The following LINGO2 variants were observed in gnomAD, a reference collection of about 807,000 sequenced individuals.
LINGO2 encodes the protein leucine-rich repeat and immunoglobulin-like domain-containing nogo receptor-interacting protein 2.
LINGO2 carries 14 observed loss-of-function variants against 30.6 expected under a neutral mutation model. That is an observed-to-expected ratio of 0.46 (90% CI 0.30 to 0.72). LINGO2 has a LOEUF of 0.72. Among genes scored for constraint, LINGO2 ranks in the 30% least tolerant of loss-of-function variants. The probability of loss-of-function intolerance (pLI) is 0.07; values close to 1 mark genes in which losing one functional copy is unlikely to be tolerated. For synonymous variants in LINGO2, 317 were observed against 288.5 expected (o/e 1.10, Z -1.00); for missense variants, 729 against 751.7 (o/e 0.97, Z 0.35).
chr9:28,575,832 A>G (rs908829155), intron 1 of LINGO2, among the ~76,000 whole-genome samples: 2 of 152,100 alleles, frequency 1.3e-5, no homozygotes, highest in East Asian at 1.9e-4. Flanking sequence ...CCTAACACAC[A>G]TTAATTTGGA....
At chr9:27,947,749 T>C (rs942338943), downstream of LINGO2, among the ~76,000 whole-genome samples, 11 of 152,234 alleles carry the variant, frequency 7.2e-5, no homozygotes, top group African/African-American at 2.2e-4. Flanking sequence ...GTTATGTATG[T>C]ATCACCCTGG....
chr9:28,503,744 A>C (rs1483721455), intron 1 of LINGO2, among the ~76,000 whole-genome samples: 1 of 150,790 alleles, frequency 6.6e-6, no homozygotes, highest in East Asian at 1.9e-4. Flanking sequence ...CCATGGGAAA[A>C]CTCCGCCTGC....
At chr9:28,767,567 C>G in the LINGO2 span, among the ~76,000 whole-genome samples, 8 of 151,984 alleles carry the variant, frequency 5.3e-5, no homozygotes, top group African/African-American at 1.9e-4. Flanking sequence ...AGGCAGATCA[C>G]GAGGTCAGGA....
chr9:29,003,750 T>C, the LINGO2 span, among the ~76,000 whole-genome samples: 2 of 152,000 alleles, frequency 1.3e-5, no homozygotes, highest in African/African-American at 2.4e-5. Context: ...GCCTTTGTCT[T>C]AATCTCTTTT....
At chr9:28,035,034 C>T (rs575272126) in intron 4 of LINGO2, among the ~76,000 whole-genome samples, 3 of 152,346 alleles carry the variant, frequency 2.0e-5, no homozygotes, top group South Asian at 2.1e-4. Context: ...AACTCAACAT[C>T]CATGCAACTC....
At chr9:28,296,556 T>C (rs1823930576) in intron 3 of LINGO2, among the ~76,000 whole-genome samples, 1 of 152,262 alleles carries the variant, frequency 6.6e-6, no homozygotes, top group South Asian at 2.1e-4. Flanking sequence ...TTCCCAGAAG[T>C]CAGTGTGGAG....
intron 3 of LINGO2, among the ~76,000 whole-genome samples, chr9:28,334,688 T>C (rs899734975): frequency 1.3e-5 from 2 of 152,114 alleles, no homozygotes; most frequent in Non-Finnish European, 2.9e-5. Context: ...CATGAAACAG[T>C]GGCAACATTA....
At chr9:28,817,825 C>T in the LINGO2 span, among the ~76,000 whole-genome samples, 3 of 152,268 alleles carry the variant, frequency 2.0e-5, no homozygotes, top group African/African-American at 4.8e-5. Flanking sequence ...GAAATGAATA[C>T]ACTTTGACCT....
chr9:29,127,349 T>G, the LINGO2 span, among the ~76,000 whole-genome samples: 2 of 152,166 alleles, frequency 1.3e-5, no homozygotes, highest in Non-Finnish European at 2.9e-5. Context: ...TGACATATTT[T>G]GGTGAGTGAG....
At chr9:29,153,153 T>A in the LINGO2 span, among the ~76,000 whole-genome samples, 1 of 152,118 alleles carries the variant, frequency 6.6e-6, no homozygotes, top group Non-Finnish European at 1.5e-5. Flanking sequence ...TTTGTGCCTA[T>A]TCAGATTCTT....
At chr9:28,614,643 C>T (rs182426031) in intron 1 of LINGO2, among the ~76,000 whole-genome samples, 3 of 152,140 alleles carry the variant, frequency 2.0e-5, no homozygotes, top group Non-Finnish European at 4.4e-5. Flanking sequence ...AGAAATATAT[C>T]GGTGAAATTT....
the LINGO2 span, among the ~76,000 whole-genome samples, chr9:29,058,789 G>A: frequency 5.9e-5 from 9 of 151,816 alleles, no homozygotes; most frequent in African/African-American, 1.9e-4. Flanking sequence ...CAAACACAAC[G>A]TAACACAGGA....
chr9:28,362,420 CAAAAG>C (rs1034497494), intron 3 of LINGO2, among the ~76,000 whole-genome samples: 1 of 149,198 alleles, frequency 6.7e-6, no homozygotes, highest in Non-Finnish European at 1.5e-5. Context: ...ACAGAAGAAT[CAAAAG>C]AAAAGAGGAA....
In LINGO2 at chr9:28,514,244, G is replaced by A. The variant is rs552368921; in HGVS notation, c.-364-38219C>T. On this transcript the variant is annotated intron_variant, in intron 1 of 5. Coordinates refer to ENST00000379992, the Ensembl canonical transcript of LINGO2. ...GCAACAACATTGAAATTAGGCCAAT[G>A]AGTAACCCTACAATGGCTTCTAAGT... 1.4e-4 allele frequency among the ~76,000 whole-genome samples: 21 copies of A among 152,238 alleles called. 1 individual carries two copies. The South Asian group carries it at 4.4e-3, about 32-fold the overall frequency.
chr9:28,297,694 A>G (rs975381249), intron 3 of LINGO2, among the ~76,000 whole-genome samples: 2 of 152,184 alleles, frequency 1.3e-5, no homozygotes, highest in Non-Finnish European at 2.9e-5. Flanking sequence ...TGAGGTTGTT[A>G]TTGGATGTGA....
intron 4 of LINGO2, among the ~76,000 whole-genome samples, chr9:28,131,815 A>C (rs961500525): frequency 6.6e-6 from 1 of 152,192 alleles, no homozygotes; most frequent in Non-Finnish European, 1.5e-5. Flanking sequence ...CACACCTCTT[A>C]GGTGATTTCA....
Position 28,216,921 on chromosome 9 carries a change from G to A in LINGO2, c.-87+78287C>T, listed in dbSNP as rs149508882. 8.0e-3 allele frequency among the ~76,000 whole-genome samples: 1,214 copies of A among 151,616 alleles called. 53 individuals carry two copies. The highest frequency in any genetic ancestry group is 0.063 in the Admixed American group (965 of 15,214). On this transcript the variant is annotated intron_variant, in intron 4 of 5. Coordinates refer to ENST00000379992, the Ensembl canonical transcript of LINGO2. Reference sequence around the variant, plus strand: ...GATATTTTAAACTTTATTCTCTTGCGCACATGAAATTTCAATTTACATGCC... The same window carrying A: ...GATATTTTAAACTTTATTCTCTTGCACACATGAAATTTCAATTTACATGCC...
intron 1 of LINGO2, among the ~76,000 whole-genome samples, chr9:28,614,839 A>G (rs903193197): frequency 3.9e-5 from 6 of 152,096 alleles, no homozygotes; most frequent in African/African-American, 1.4e-4. Context: ...TCAGGGTTTT[A>G]ACTCCTCAGG....
intron 2 of LINGO2, among the ~76,000 whole-genome samples, chr9:28,405,200 T>A (rs1003477636): frequency 1.3e-5 from 2 of 152,148 alleles, no homozygotes; most frequent in Non-Finnish European, 2.9e-5. Flanking sequence ...CACTAATATA[T>A]ATTACGTAAC....
Sources: gnomAD v4.1 joint callset for allele counts (sites outside exome capture counted in the v4.1 genomes callset) on GRCh38, gnomAD v4.1.1 for gene constraint, MANE v1.5 for transcripts, NCBI Gene and HGNC (gene_info 2026-07-23, HGNC 2026-07-21) for gene names.